Variants in SMAP2 observed in about 807,000 individuals in gnomAD.
SMAP2 encodes the protein small ArfGAP2, also known as stromal membrane-associated protein 2.
A neutral mutation model predicts 56.4 loss-of-function variants in SMAP2; 25 were observed. That is an observed-to-expected ratio of 0.44 (90% confidence interval 0.32 to 0.62). The LOEUF (loss-of-function observed/expected upper bound fraction) is 0.62, where lower values mean the gene tolerates loss of function less well. Among genes scored for constraint, SMAP2 ranks in the 20% least tolerant of loss-of-function variants. SMAP2 has a pLI of 0.04. For missense variants in SMAP2, 388 were observed against 545.6 expected (o/e 0.71, Z 2.88); for synonymous variants, 157 against 181.7 (o/e 0.86, Z 1.09).
intron 1 of SMAP2, among the ~76,000 whole-genome samples, chr1:40,388,139 C>T (rs1644678887): frequency 6.6e-6 from 1 of 152,204 alleles, no homozygotes; most frequent in South Asian, 2.1e-4. Flanking sequence ...CTCCCCCCAC[C>T]TCTGTGGGCT....
Position 40,386,193 on chromosome 1 carries a change from A to T in SMAP2, c.103+11970A>T, listed in dbSNP as rs1166094852. 6.6e-6 allele frequency among the ~76,000 whole-genome samples: 1 copy of T among 152,234 alleles called. No individual in the cohort carries two copies. The highest frequency in any genetic ancestry group is 1.5e-5 in the Non-Finnish European group (1 of 68,046). The stretch of plus-strand genomic sequence containing the variant: ...TAGCTGAAAACAGCAGAGCTGACGG[A>T]AACCAATTTGAGTGTGACAGCTGAT... On this transcript the variant is annotated intron_variant, in intron 1 of 9. Transcript: ENST00000372718. This position sits in a 1 kb window ranked among gnomAD's most constrained non-coding sequence, Gnocchi z 4.1.
chr1:40,381,904 A>G (rs947784349), intron 1 of SMAP2, among the ~76,000 whole-genome samples: 7 of 152,126 alleles, frequency 4.6e-5, no homozygotes, highest in Non-Finnish European at 8.8e-5. Flanking sequence ...AGTCTAGTGA[A>G]GTGCCAGCAG....
chr1:40,359,971 T>G (rs1394665738), intron 1 of SMAP2, among the ~76,000 whole-genome samples: 1 of 150,948 alleles, frequency 6.6e-6, no homozygotes, highest in African/African-American at 2.4e-5. Flanking sequence ...CTGAAGAGGG[T>G]ACAAAAGACA....
intron 1 of SMAP2, among the ~76,000 whole-genome samples, chr1:40,384,143 C>T (rs1243118012): frequency 6.6e-6 from 1 of 152,178 alleles, no homozygotes; most frequent in African/African-American, 2.4e-5. Context: ...AGTGAGCTAC[C>T]TACCCTCCTT....
intron 1 of SMAP2, among the ~76,000 whole-genome samples, chr1:40,388,645 T>A (rs1362582567): frequency 1.3e-5 from 2 of 152,170 alleles, no homozygotes; most frequent in African/African-American, 4.8e-5. Flanking sequence ...ATCAGCACCC[T>A]GTCAAAACAG....
At chr1:40,380,326 C>T (rs1644584599) in intron 1 of SMAP2, among the ~76,000 whole-genome samples, 1 of 152,108 alleles carries the variant, frequency 6.6e-6, no homozygotes, top group African/African-American at 2.4e-5. Context: ...TTCCCGATTT[C>T]AAACTTGTAT....
intron 2 of SMAP2, among the ~76,000 whole-genome samples, chr1:40,363,536 G>A (rs1366642687): frequency 2.0e-5 from 3 of 152,014 alleles, no homozygotes; most frequent in African/African-American, 4.8e-5. Flanking sequence ...GGAAGGCAGA[G>A]CAAGATGGCC....
At position 40,399,699 on chromosome 1, in the gene SMAP2, CT is replaced by C. The variant is rs558250278; in HGVS notation, c.104-7036del. Among the ~76,000 whole-genome samples, 6 of 47,562 alleles carry C rather than the reference CT, an allele frequency of 1.3e-4. No individual in the cohort carries two copies. In the South Asian group the frequency reaches 3.3e-3, roughly 26 times the overall value. 31.2% of individuals were successfully genotyped at this position (47,562 alleles called of 152,430 possible). A position where few individuals can be genotyped will look rare whatever the true frequency, so the allele number is the denominator to read the frequency against. ...CCTGGGTGAGAGAGTAAGACCCTGT[CT>C]CAAAAAAAAAAAAAGAAAAGAAAAG... On this transcript the variant is annotated intron_variant, in intron 1 of 9. Transcript: ENST00000372718.
At chr1:40,414,101 T>C (rs1230003670) in intron 5 of SMAP2, 58 bp from the exon 6 acceptor site, 4 of 1,510,898 alleles carry the variant, frequency 2.6e-6, no homozygotes, top group Non-Finnish European at 3.7e-6. Flanking sequence ...ACAGTGGAGA[T>C]GGGAAAAGAG....
At chr1:40,350,101 T>C (rs989255172) in intron 1 of SMAP2, among the ~76,000 whole-genome samples, 4 of 152,090 alleles carry the variant, frequency 2.6e-5, no homozygotes, top group African/African-American at 9.7e-5. Flanking sequence ...CAAGAAGCTA[T>C]GGAGTAGCTG....
intron 1 of SMAP2, among the ~76,000 whole-genome samples, chr1:40,401,124 G>C (rs962639448): frequency 6.6e-6 from 1 of 152,136 alleles, no homozygotes; most frequent in African/African-American, 2.4e-5. Flanking sequence ...TTAGCCGGGC[G>C]TGATCGCGGG....
chr1:40,375,619 C>A (rs1272321865), intron 1 of SMAP2: 2 of 168,294 alleles, frequency 1.2e-5, no homozygotes, highest in Admixed American at 6.5e-5. Context: ...ATTTTAGAAT[C>A]AATTTATGTT....
chr1:40,374,550 C>T lies in SMAP2; in HGVS notation c.103+327C>T, dbSNP rs1033618353. 30 of 1,069,946 alleles carry T rather than the reference C, an allele frequency of 2.8e-5. No individual in the cohort carries two copies. Among genetic ancestry groups the T allele is most frequent in the Non-Finnish European group, 3.6e-5 (26 of 718,626 alleles). 66.3% of individuals were successfully genotyped at this position (1,069,946 alleles called of 1,614,324 possible). ...TGTCCAGAGAGAGCTCCCAGCATGT[C>T]ACTTGCAAAGCTGGGGATGAACTGC... On this transcript the variant is annotated intron_variant, in intron 1 of 9. Coordinates refer to ENST00000372718, the MANE Select transcript of SMAP2 (RefSeq NM_022733.3). The surrounding 1 kb of genome is among the most constrained non-coding windows in gnomAD (Gnocchi z 5.9).
chr1:40,379,894 A>G (rs1055131579), intron 1 of SMAP2, among the ~76,000 whole-genome samples: 1 of 152,158 alleles, frequency 6.6e-6, no homozygotes, highest in Non-Finnish European at 1.5e-5. Context: ...ATATAAGCCT[A>G]CTGTTAAGAT....
intron 1 of SMAP2, among the ~76,000 whole-genome samples, chr1:40,387,790 G>T (rs1644672973): frequency 6.6e-6 from 1 of 151,614 alleles, no homozygotes; most frequent in Non-Finnish European, 1.5e-5. Flanking sequence ...CTGCACTGTG[G>T]GAGCCCCTTC....
chr1:40,373,911 G>T lies in SMAP2; in HGVS notation c.-210G>T, dbSNP rs1320681336. On this transcript the variant is annotated 5_prime_UTR_variant, in exon 1 of 10. Coordinates refer to ENST00000372718, the MANE Select transcript of SMAP2 (RefSeq NM_022733.3). ...TGGAGGCGGGCCTGTCCCTAAGCCC[G>T]CCAAGGGGCGCCGCGCCGAGGGGCT... 3.8e-6 allele frequency: 2 copies of T among 520,840 alleles called. No individual in the cohort carries two copies. Among genetic ancestry groups the T allele is most frequent in the South Asian group, 2.3e-5 (1 of 44,380 alleles). The allele number at this position is 520,840 out of a possible 1,614,324, so 32.3% of individuals were successfully genotyped here.
intron 9 of SMAP2, among the ~76,000 whole-genome samples, chr1:40,421,038 CTT>C (rs749926230): frequency 2.3e-4 from 31 of 133,168 alleles, no homozygotes; most frequent in Non-Finnish European, 2.6e-4. Flanking sequence ...ATAGCTGCAG[CTT>C]TTTTTTTTTT....
intron 1 of SMAP2, among the ~76,000 whole-genome samples, chr1:40,378,344 T>C (rs35660007): frequency 0.095 from 14,495 of 152,258 alleles, 738 homozygotes; most frequent in East Asian, 0.17. Flanking sequence ...GCAGAACCCA[T>C]TTCTAATGGA....
At chr1:40,345,676 G>A (rs1463805739) in intron 1 of SMAP2, among the ~76,000 whole-genome samples, 1 of 151,196 alleles carries the variant, frequency 6.6e-6, no homozygotes, top group Non-Finnish European at 1.5e-5. Context: ...TCTTCAACAT[G>A]TCGTGAATTT....
Sources: allele counts gnomAD v4.1 joint callset (sites outside exome capture counted in the v4.1 genomes callset), GRCh38; gene constraint gnomAD v4.1.1; non-coding constraint Gnocchi (gnomAD v3.1); transcripts MANE v1.5; gene names NCBI Gene and HGNC (gene_info 2026-07-23, HGNC 2026-07-21).